The following NT5E variants were observed in gnomAD, a reference collection of about 807,000 sequenced individuals.
NT5E encodes 5'-nucleotidase ecto.
Under a neutral mutation model 55.1 loss-of-function variants are expected in NT5E, and 53 were observed. The observed-to-expected ratio is 0.96, with a 90% confidence interval of 0.77 to 1.21. The LOEUF (loss-of-function observed/expected upper bound fraction) is 1.21, where lower values mean the gene tolerates loss of function less well. Among genes scored for constraint, NT5E ranks in the 50% most tolerant of loss-of-function variants. NT5E has a pLI of 0.00. For synonymous variants in NT5E, 270 were observed against 278.4 expected (o/e 0.97, Z 0.30); for missense variants, 683 against 724.3 (o/e 0.94, Z 0.65).
At chr6:85,462,385 C>T (rs997398347) in intron 1 of NT5E, among the ~76,000 whole-genome samples, 1 of 152,126 alleles carries the variant, frequency 6.6e-6, no homozygotes, top group Non-Finnish European at 1.5e-5. Context: ...TTAGCAGCAT[C>T]ATTTTTTTTT....
chr6:85,481,612 C>A (rs1769553299), intron 3 of NT5E, among the ~76,000 whole-genome samples: 1 of 152,130 alleles, frequency 6.6e-6, no homozygotes, highest in African/African-American at 2.4e-5. Context: ...TCACATGTAG[C>A]CCTCTGGCTT....
At chr6:85,465,493 C>CTCTT (rs1197239974) in intron 1 of NT5E, among the ~76,000 whole-genome samples, 2 of 152,128 alleles carry the variant, frequency 1.3e-5, no homozygotes, top group African/African-American at 4.8e-5. Flanking sequence ...CTGCAACAAC[C>CTCTT]TGTAAGACCA....
chr6:85,456,602 C>T (rs899234381), intron 1 of NT5E, among the ~76,000 whole-genome samples: 3 of 152,078 alleles, frequency 2.0e-5, no homozygotes, highest in African/African-American at 7.2e-5. Context: ...CTCCCAGCTA[C>T]ATAGGGAAAT....
intron 3 of NT5E, among the ~76,000 whole-genome samples, chr6:85,477,581 G>A (rs1769461574): frequency 6.6e-6 from 1 of 152,136 alleles, no homozygotes; most frequent in African/African-American, 2.4e-5. Context: ...CATCCCTGCT[G>A]TAATAGGAAT....
At position 85,465,144 on chromosome 6, in the gene NT5E, A is replaced by G. The variant is rs1769165937; in HGVS notation, c.340-1916A>G. Among the ~76,000 whole-genome samples, 9 of 152,292 alleles carry G rather than the reference A, an allele frequency of 5.9e-5. No individual in the cohort carries two copies. In the South Asian group the frequency reaches 1.9e-3, roughly 32 times the overall value. ...CCATGAATAAGGGGCTCCTCTCCCC[A>G]TGGGGCAAGAGAGGTGAAAAGACAG... On this transcript the variant is annotated intron_variant, in intron 1 of 8. Transcript: ENST00000257770.
At chr6:85,461,784 G>A (rs986241355) in intron 1 of NT5E, among the ~76,000 whole-genome samples, 13 of 152,106 alleles carry the variant, frequency 8.5e-5, no homozygotes, top group Non-Finnish European at 1.6e-4. Context: ...GGGACAGGAG[G>A]GGTAGAGGCC....
chr6:85,467,119 A>G lies in NT5E; in HGVS notation c.399A>G (p.Lys133=), dbSNP rs939175621. The change falls in exon 2 of 9, where the codon AAA becomes AAG. Residue 133 remains lysine, a synonymous_variant. Coordinates refer to ENST00000257770, the MANE Select transcript of NT5E (RefSeq NM_002526.4). The part of the protein sequence containing the change: ...GVEGLIEPLL[K]EAKFPILSAN... The stretch of plus-strand genomic sequence containing the variant: ...AAGGACTGATCGAGCCACTCCTCAA[A>G]GAGGCCAAATTTCCAATTCTGAGTG... The G allele has an allele frequency of 6.2e-7, 1 of 1,614,100 alleles. No homozygotes were observed. The highest frequency in any genetic ancestry group is 1.3e-5 in the African/African-American group (1 of 74,928).
chr6:85,450,310 C>G lies in NT5E; in HGVS notation c.171C>G (p.Cys57Trp). 6.2e-7 allele frequency: 1 copy of G among 1,604,556 alleles called. No individual in the cohort carries two copies. Among genetic ancestry groups the G allele is most frequent in the Non-Finnish European group, 8.5e-7 (1 of 1,176,500 alleles). ...DSSKCVNASR[C>W]MGGVARLFTK... ...GCAAGTGCGTCAACGCCAGCCGCTG[C>G]ATGGGTGGCGTGGCTCGGCTCTTCA... Residue 57 changes from cysteine to tryptophan, a missense_variant, in exon 1 of 9, where the codon TGC becomes TGG. Cys to Trp is a radical substitution (Grantham distance 215). Transcript: ENST00000257770. This position sits in a 1 kb window ranked among gnomAD's most constrained non-coding sequence, Gnocchi z 4.0.
intron 5 of NT5E, 117 bp from the exon 6 acceptor site, chr6:85,489,377 A>C: frequency 1.4e-6 from 1 of 735,090 alleles, no homozygotes; most frequent in Admixed American, 2.0e-5. Context: ...ATCCCTGGGA[A>C]CACAGCAGCA....
rs200146222 is a variant in NT5E at position 85,471,465 on chromosome 6, G to A, written c.751+40G>A. The A allele has an allele frequency of 3.2e-6, 5 of 1,567,042 alleles. No homozygotes were observed. The East Asian group carries it at 1.1e-4, about 35-fold the overall frequency. On this transcript the variant is annotated intron_variant, in intron 3 of 8. Coordinates refer to ENST00000257770, the MANE Select transcript of NT5E (RefSeq NM_002526.4). ...AGGATTGCATGGGCCAGGATGTCCAGATAAGCACTGTGTCTCTTTTGCCTT... is the reference window on the plus strand; with the variant it reads ...AGGATTGCATGGGCCAGGATGTCCAAATAAGCACTGTGTCTCTTTTGCCTT...
chr6:85,461,300 G>A (rs923932139), intron 1 of NT5E, among the ~76,000 whole-genome samples: 11 of 152,196 alleles, frequency 7.2e-5, no homozygotes, highest in Non-Finnish European at 1.6e-4. Flanking sequence ...TATGTGTGTT[G>A]TAATGGAAAA....
chr6:85,468,425 G>A (rs1166301453), intron 2 of NT5E, among the ~76,000 whole-genome samples: 2 of 152,186 alleles, frequency 1.3e-5, no homozygotes, highest in Non-Finnish European at 2.9e-5. Context: ...TGAGAGCTGT[G>A]TAAAACATCC....
chr6:85,487,787 A>C (rs1353687337), intron 5 of NT5E, among the ~76,000 whole-genome samples: 2 of 152,206 alleles, frequency 1.3e-5, no homozygotes, highest in East Asian at 3.8e-4. Flanking sequence ...ATAAAACATT[A>C]GTGCCTAAAC....
intron 5 of NT5E, among the ~76,000 whole-genome samples, chr6:85,488,403 G>A (rs1290371379): frequency 1.3e-5 from 2 of 152,146 alleles, no homozygotes; most frequent in South Asian, 2.1e-4. Context: ...GACTCATGAT[G>A]TCTCCTCAGC....
chr6:85,485,517 G>A (rs1769635144), intron 4 of NT5E, 85 bp downstream of exon 4: 4 of 1,322,666 alleles, frequency 3.0e-6, no homozygotes, highest in African/African-American at 1.5e-5. Context: ...TTCCTTTAAT[G>A]TTTCAGGAAA....
Position 85,450,879 on chromosome 6 carries a change from A to G in NT5E, c.339+401A>G, listed in dbSNP as rs974136521. On this transcript the variant is annotated intron_variant, in intron 1 of 8. Transcript: ENST00000257770. The surrounding 1 kb of genome is among the most constrained non-coding windows in gnomAD (Gnocchi z 4.0). ...ATCTTTCGAAAAATGCTTTATCTCA[A>G]TCTTATTGAAAGGGAAACCGCGTCG... is the stretch of plus-strand genomic sequence containing the variant. 6.6e-6 allele frequency among the ~76,000 whole-genome samples: 1 copy of G among 152,198 alleles called. No individual in the cohort carries two copies. The highest frequency in any genetic ancestry group is 2.4e-5 in the African/African-American group (1 of 41,442).
chr6:85,468,001 T>C (rs1299211527), intron 2 of NT5E, among the ~76,000 whole-genome samples: 1 of 152,100 alleles, frequency 6.6e-6, no homozygotes, highest in Non-Finnish European at 1.5e-5. Flanking sequence ...CTTTTTGGAA[T>C]ATTTTGGCAA....
Position 85,471,285 on chromosome 6 carries a change from T to A in NT5E, c.611T>A (p.Val204Glu), listed in dbSNP as rs780679287. The A allele has an allele frequency of 3.1e-6, 5 of 1,612,150 alleles. No individual in the cohort carries two copies. The East Asian group carries it at 8.9e-5, about 29-fold the overall frequency. Residue 204 changes from valine (V) to glutamate (E), a missense_variant, in exon 3 of 9, where the codon GTA becomes GAA. By Grantham distance (121) the Val-to-Glu change is moderately radical. Transcript: ENST00000257770. ...EDEITALQPE[V>E]DKLKTLNVNK... The stretch of plus-strand genomic sequence containing the variant: ...GAAATCACTGCATTACAACCTGAAG[T>A]AGATAAGTTAAAAACTCTAAATGTG...
rs754849391 is a variant in NT5E, at chr6:85,450,506, G to A, written c.339+28G>A. 36 of 1,553,356 alleles carry A rather than the reference G, an allele frequency of 2.3e-5. No individual in the cohort carries two copies. The African/African-American group carries it at 4.6e-4, about 20-fold the overall frequency. On this transcript the variant is annotated intron_variant, in intron 1 of 8. Transcript: ENST00000257770. The surrounding 1 kb of genome is among the most constrained non-coding windows in gnomAD (Gnocchi z 4.0). Reference sequence around the variant, plus strand: ...AAGACCCGAGCCCGCGCCCGGGATAGTAGTCCCGGACTGAGAGAGGAGCCG... The same window carrying A: ...AAGACCCGAGCCCGCGCCCGGGATAATAGTCCCGGACTGAGAGAGGAGCCG...
Sources: gnomAD v4.1 joint callset for allele counts (sites outside exome capture counted in the v4.1 genomes callset) on GRCh38, gnomAD v4.1.1 for gene constraint, Gnocchi (gnomAD v3.1) non-coding constraint, MANE v1.5 for transcripts, NCBI Gene and HGNC (gene_info 2026-07-23, HGNC 2026-07-21) for gene names.